The following ATF6 variants were observed in gnomAD, a reference collection of about 807,000 sequenced individuals.
ATF6 encodes activating transcription factor 6.
In ATF6, 53 loss-of-function variants were observed where a neutral mutation model predicts 83.6. The observed-to-expected ratio is 0.63, with a 90% confidence interval of 0.51 to 0.80. ATF6 has a LOEUF of 0.80. ATF6 is among the 30% of genes least tolerant of loss of function. The probability of loss-of-function intolerance (pLI) is 0.00; values close to 1 mark genes in which losing one functional copy is unlikely to be tolerated. For missense variants in ATF6, 744 were observed against 797.9 expected, an observed-to-expected ratio of 0.93 and a Z score of 0.81; for synonymous variants, 288 against 285.8, an observed-to-expected ratio of 1.01 and a Z score of -0.08.
intron 15 of ATF6, among the ~76,000 whole-genome samples, chr1:161,941,621 TG>T (rs1377083763): frequency 2.0e-5 from 3 of 152,228 alleles, no homozygotes; most frequent in Non-Finnish European, 2.9e-5. Context: ...ATAAACTACA[TG>T]GCGATTCTAG....
At chr1:161,910,817 G>GCA (rs1376036573) in intron 14 of ATF6, among the ~76,000 whole-genome samples, 3 of 151,796 alleles carry the variant, frequency 2.0e-5, no homozygotes, top group African/African-American at 7.3e-5. Context: ...GTCTAACAAT[G>GCA]CACTTAAAAA....
intron 15 of ATF6, among the ~76,000 whole-genome samples, chr1:161,915,600 T>A (rs898852068): frequency 6.6e-6 from 1 of 151,950 alleles, no homozygotes; most frequent in Non-Finnish European, 1.5e-5. Flanking sequence ...CTCTACTGGG[T>A]CATTCCCATC....
chr1:161,821,457 G>A (rs16849963), intron 9 of ATF6, among the ~76,000 whole-genome samples: 21,987 of 152,050 alleles, frequency 0.14, 2,163 homozygotes, highest in East Asian at 0.31. Flanking sequence ...ATGGGTACTC[G>A]ATACATTTTT....
intron 4 of ATF6, among the ~76,000 whole-genome samples, chr1:161,790,057 C>T (rs1459574964): frequency 2.0e-5 from 3 of 152,062 alleles, no homozygotes; most frequent in East Asian, 1.9e-4. Context: ...CTACCATTTG[C>T]GTTTCCTTTT....
intron 1 of ATF6, among the ~76,000 whole-genome samples, chr1:161,772,598 G>T (rs954410202): frequency 2.0e-5 from 3 of 151,930 alleles, no homozygotes; most frequent in African/African-American, 7.3e-5. Flanking sequence ...ATGTGCTTTA[G>T]ATTCTTCCTG....
intron 14 of ATF6, among the ~76,000 whole-genome samples, chr1:161,912,062 G>C (rs1011409737): frequency 6.6e-6 from 1 of 152,126 alleles, no homozygotes; most frequent in African/African-American, 2.4e-5. Context: ...AAACCTAGGA[G>C]TTTTCCAAGA....
At chr1:161,827,903 AAAG>A (rs564416676) in intron 9 of ATF6, among the ~76,000 whole-genome samples, 335 of 152,244 alleles carry the variant, frequency 2.2e-3, no homozygotes, top group African/African-American at 7.7e-3. Context: ...TGTGGATAGT[AAAG>A]AAGTCATCTA....
At chr1:161,822,739 A>G (rs1557979447) in intron 9 of ATF6, among the ~76,000 whole-genome samples, 1 of 152,226 alleles carries the variant, frequency 6.6e-6, no homozygotes, top group Non-Finnish European at 1.5e-5. Flanking sequence ...ATGAGGCCAC[A>G]TAATAGGGTC....
intron 9 of ATF6, 39 bp from the exon 10 acceptor site, chr1:161,846,410 T>A (rs777634649): frequency 6.3e-7 from 1 of 1,582,682 alleles, no homozygotes; most frequent in Admixed American, 1.8e-5. Flanking sequence ...GTGTGACATA[T>A]TTTTATTTCA....
chr1:161,798,611 A>C (rs1294084115), intron 6 of ATF6, among the ~76,000 whole-genome samples: 1 of 152,088 alleles, frequency 6.6e-6, no homozygotes, highest in Non-Finnish European at 1.5e-5. Flanking sequence ...AAAAATCAAT[A>C]AATAAAAATC....
chr1:161,842,849 G>A (rs1686390672), intron 9 of ATF6, among the ~76,000 whole-genome samples: 2 of 152,172 alleles, frequency 1.3e-5, no homozygotes, highest in South Asian at 2.1e-4. Flanking sequence ...AGGAATAAAT[G>A]TTTTCAAAGT....
At chr1:161,808,028 T>C (rs4656333) in intron 7 of ATF6, among the ~76,000 whole-genome samples, 18,355 of 151,336 alleles carry the variant, frequency 0.12, 1,657 homozygotes, top group East Asian at 0.31. Flanking sequence ...TACAGCTATG[T>C]GCCACCACAC....
chr1:161,939,838 A>C (rs1483870878), intron 15 of ATF6, among the ~76,000 whole-genome samples: 2 of 152,224 alleles, frequency 1.3e-5, no homozygotes, highest in East Asian at 3.8e-4. Flanking sequence ...GAATTTAGGA[A>C]ATATAGTCTT....
intron 14 of ATF6, among the ~76,000 whole-genome samples, chr1:161,906,328 G>A (rs1476058406): frequency 2.0e-5 from 3 of 151,956 alleles, no homozygotes; most frequent in South Asian, 2.1e-4. Flanking sequence ...CTGTCTTATC[G>A]GAAAGTATTT....
At chr1:161,801,431 C>T (rs368049409) in intron 6 of ATF6, among the ~76,000 whole-genome samples, 2 of 134,924 alleles carry the variant, frequency 1.5e-5, no homozygotes, top group East Asian at 2.3e-4. Flanking sequence ...AGCTAAGACT[C>T]GAGGCACATA....
chr1:161,783,423 G>T (rs531316993), intron 3 of ATF6, among the ~76,000 whole-genome samples: 1 of 152,088 alleles, frequency 6.6e-6, no homozygotes, highest in East Asian at 1.9e-4. Context: ...AAGGGATACT[G>T]CCTGGGCCAT....
chr1:161,792,029 A>T (rs1339699568), intron 5 of ATF6, 95 bp from the exon 6 acceptor site: 7 of 1,019,348 alleles, frequency 6.9e-6, no homozygotes, highest in Non-Finnish European at 1.1e-5. Flanking sequence ...CGAAGTTAAG[A>T]TAATGTGTAG....
At chr1:161,823,136 A>G (rs879448641) in intron 9 of ATF6, among the ~76,000 whole-genome samples, 3 of 152,018 alleles carry the variant, frequency 2.0e-5, no homozygotes, top group Non-Finnish European at 4.4e-5. Flanking sequence ...GTTTATATAT[A>G]CTGATATTTA....
chr1:161,957,313 T>C (rs7514226), intron 15 of ATF6, among the ~76,000 whole-genome samples: 96,686 of 152,014 alleles, frequency 0.64, 32,325 homozygotes, highest in Non-Finnish European at 0.75. Flanking sequence ...ACTAGGTTGT[T>C]GCCGGCAGTT....
Sources: gnomAD v4.1 joint callset for allele counts (sites outside exome capture counted in the v4.1 genomes callset) on GRCh38, gnomAD v4.1.1 for gene constraint, MANE v1.5 for transcripts, NCBI Gene and HGNC (gene_info 2026-07-23, HGNC 2026-07-21) for gene names.